The following GTF2F1 variants were observed in gnomAD, a reference collection of about 807,000 sequenced individuals.
The protein encoded by GTF2F1 is general transcription factor IIF subunit 1.
Under a neutral mutation model 63.5 loss-of-function variants are expected in GTF2F1, and 39 were observed. The ratio of observed to expected loss-of-function variants is 0.61; its 90% CI spans 0.48 to 0.80. The LOEUF (loss-of-function observed/expected upper bound fraction) is 0.80. GTF2F1 is among the 30% of genes least tolerant of loss of function. The pLI is 0.00. For missense variants in GTF2F1, 657 were observed against 718.3 expected (o/e 0.91, Z 0.97); for synonymous variants, 287 against 285.3 (o/e 1.01, Z -0.06).
intron 5 of GTF2F1, among the ~76,000 whole-genome samples, chr19:6,384,463 G>GC (rs1367895785): frequency 1.3e-5 from 2 of 151,042 alleles, no homozygotes; most frequent in Non-Finnish European, 2.9e-5. Context: ...AGCTAAGATT[G>GC]CCCCACAGCA....
At chr19:6,390,816 G>A (rs1357755307) in intron 3 of GTF2F1, among the ~76,000 whole-genome samples, 4 of 151,774 alleles carry the variant, frequency 2.6e-5, no homozygotes, top group African/African-American at 9.7e-5. Flanking sequence ...GGAGGTGGAG[G>A]TTGCAGTGAG....
chr19:6,391,428 T>C (rs980015170), intron 3 of GTF2F1, among the ~76,000 whole-genome samples: 1 of 150,322 alleles, frequency 6.7e-6, no homozygotes, highest in African/African-American at 2.4e-5. Flanking sequence ...GCCTGGGCCT[T>C]TGCCATTTCC....
At chr19:6,389,305 C>T (rs756912698) in intron 4 of GTF2F1, 139 bp downstream of exon 4, 24 of 469,938 alleles carry the variant, frequency 5.1e-5, no homozygotes, top group Non-Finnish European at 9.0e-5. Context: ...TAAAATCCTA[C>T]AGGGATGGAA....
At position 6,393,156 on chromosome 19, in the gene GTF2F1, C is replaced by G; in HGVS notation, c.-161G>C. Reference sequence around the variant, plus strand: ...CGCCTCTGGCGCTGGGAAAAGGTAACCGGAAGAGGCGCTCAAGCTACTCGG... The same window carrying G: ...CGCCTCTGGCGCTGGGAAAAGGTAAGCGGAAGAGGCGCTCAAGCTACTCGG... On this transcript the variant is annotated 5_prime_UTR_variant, in exon 1 of 13. Coordinates refer to ENST00000394456, the MANE Select transcript of GTF2F1 (RefSeq NM_002096.3). 1 of 850,220 alleles carries G rather than the reference C, an allele frequency of 1.2e-6. No homozygotes were observed. 52.7% of individuals were successfully genotyped at this position (850,220 alleles called of 1,614,324 possible). A position where few individuals can be genotyped will look rare whatever the true frequency, so the allele number is the denominator to read the frequency against.
At position 6,380,216 on chromosome 19, in the gene GTF2F1, A is replaced by G. The variant is rs2091941068; in HGVS notation, c.*65T>C. 1 of 1,323,830 alleles carries G rather than the reference A, an allele frequency of 7.6e-7. No homozygotes were observed. The highest frequency in any genetic ancestry group is 1.7e-5 in the Admixed American group (1 of 59,650). 82.0% of individuals were successfully genotyped at this position (1,323,830 alleles called of 1,614,324 possible). A position where few individuals can be genotyped will look rare whatever the true frequency, so the allele number is the denominator to read the frequency against. The stretch of plus-strand genomic sequence containing the variant: ...CATGTATTGGACAGAGCCTCACTCT[A>G]GGATGGCGAAGGGGCAGTGAGAGCC... On this transcript the variant is annotated 3_prime_UTR_variant, in exon 13 of 13. Coordinates refer to ENST00000394456, the MANE Select transcript of GTF2F1 (RefSeq NM_002096.3). The surrounding 1 kb of genome is among the most constrained non-coding windows in gnomAD (Gnocchi z 5.3).
At chr19:6,391,378 G>C (rs546223157) in intron 3 of GTF2F1, among the ~76,000 whole-genome samples, 3 of 151,632 alleles carry the variant, frequency 2.0e-5, no homozygotes, top group Non-Finnish European at 2.9e-5. Flanking sequence ...GCCTCTGGTG[G>C]GCCTACCAAA....
rs1445189460 is a variant in GTF2F1 at position 6,381,750 on chromosome 19, G to A, written c.783C>T (p.Ser261=). 15 of 1,613,990 alleles carry A rather than the reference G, an allele frequency of 9.3e-6. No individual in the cohort carries two copies. Among genetic ancestry groups the A allele is most frequent in the South Asian group, 2.2e-5 (2 of 91,084 alleles). The change falls in exon 7 of 13, where the codon AGC becomes AGT. Residue 261 remains serine, a synonymous_variant. Coordinates refer to ENST00000394456, the MANE Select transcript of GTF2F1 (RefSeq NM_002096.3). The surrounding 1 kb of genome is among the most constrained non-coding windows in gnomAD (Gnocchi z 4.1). ...CTTGGCCCTCGAAGTCCCCATCATC[G>A]CTGTCCTCGAAGGCCTCGTCGTCTG... ...KGSDDEAFED[S]DDGDFEGQEV...
In GTF2F1 at chr19:6,380,070, A is replaced by G. The variant is rs538036160; in HGVS notation, c.*211T>C. On this transcript the variant is annotated 3_prime_UTR_variant, in exon 13 of 13. Coordinates refer to ENST00000394456, the MANE Select transcript of GTF2F1 (RefSeq NM_002096.3). The surrounding 1 kb of genome is among the most constrained non-coding windows in gnomAD (Gnocchi z 5.3). ...ACAGGCATCTGAAGATTCCAGAAGG[A>G]AGGGCCAGAGGAGGAGATGGCTTAA... 1.1e-4 allele frequency: 69 copies of G among 607,254 alleles called. No individual in the cohort carries two copies. The South Asian group carries it at 1.3e-3, about 11-fold the overall frequency. 37.6% of individuals were successfully genotyped at this position (607,254 alleles called of 1,614,324 possible).
chr19:6,383,290 T>A lies in GTF2F1; in HGVS notation c.682+21A>T. ...CTGAGCAGGCACCTCTGTGACCTAA[T>A]GCCCAGGCGCCCGTACTCACCCTCC... On this transcript the variant is annotated intron_variant, in intron 6 of 12. Transcript: ENST00000394456. This position sits in a 1 kb window ranked among gnomAD's most constrained non-coding sequence, Gnocchi z 4.5. The A allele has an allele frequency of 6.2e-7, 1 of 1,611,060 alleles. No homozygotes were observed. The highest frequency in any genetic ancestry group is 2.2e-5 in the East Asian group (1 of 44,838).
At position 6,383,246 on chromosome 19, in the gene GTF2F1, T is replaced by C; in HGVS notation, c.682+65A>G. 2 of 1,530,766 alleles carry C rather than the reference T, an allele frequency of 1.3e-6. No homozygotes were observed. Among genetic ancestry groups the C allele is most frequent in the Non-Finnish European group, 1.8e-6 (2 of 1,114,304 alleles). 94.8% of individuals were successfully genotyped at this position (1,530,766 alleles called of 1,614,324 possible). A position where few individuals can be genotyped will look rare whatever the true frequency, so the allele number is the denominator to read the frequency against. On this transcript the variant is annotated intron_variant, in intron 6 of 12. Coordinates refer to ENST00000394456, the MANE Select transcript of GTF2F1 (RefSeq NM_002096.3). The surrounding 1 kb of genome is among the most constrained non-coding windows in gnomAD (Gnocchi z 4.5). ...GGGCCACTGTGAGCGATGGTAGACT[T>C]TGCCTTCACTGGCACTGCCTGAGCA...
chr19:6,388,374 C>T (rs1310044456), intron 4 of GTF2F1, among the ~76,000 whole-genome samples: 1 of 152,200 alleles, frequency 6.6e-6, no homozygotes, highest in Non-Finnish European at 1.5e-5. Flanking sequence ...CTCTTCCCTG[C>T]CTACAGCTTT....
intron 5 of GTF2F1, among the ~76,000 whole-genome samples, chr19:6,385,628 T>C (rs1022839682): frequency 6.6e-5 from 10 of 152,004 alleles, no homozygotes; most frequent in Non-Finnish European, 1.5e-4. Context: ...ACCTGGGGGC[T>C]GTTGTTCCAG....
In GTF2F1 at chr19:6,381,180, G is replaced by C. The variant is rs780535392; in HGVS notation, c.1034C>G (p.Ser345Trp). The change falls in exon 10 of 13, where the codon TCG (serine) becomes TGG (tryptophan). Residue 345 changes from serine (S) to tryptophan (W), a missense_variant. Physicochemically the swap from Ser to Trp is radical, Grantham distance 177. Transcript: ENST00000394456. This position sits in a 1 kb window ranked among gnomAD's most constrained non-coding sequence, Gnocchi z 4.1. ...KKRRKDSSEE[S>W]DSSEESDIDS... ...AATGTCGCTCTCCTCTGAGCTGTCCGACTCCTCGCTGCTGTCTGCGGGGCA... is the reference window on the plus strand; with the variant it reads ...AATGTCGCTCTCCTCTGAGCTGTCCCACTCCTCGCTGCTGTCTGCGGGGCA... 1 of 1,609,940 alleles carries C rather than the reference G, an allele frequency of 6.2e-7. No individual in the cohort carries two copies. Among genetic ancestry groups the C allele is most frequent in the Non-Finnish European group, 8.5e-7 (1 of 1,178,584 alleles).
chr19:6,383,683 T>C lies in GTF2F1; in HGVS notation c.498-188A>G, dbSNP rs2091963698. On this transcript the variant is annotated intron_variant, in intron 5 of 12. Coordinates refer to ENST00000394456, the MANE Select transcript of GTF2F1 (RefSeq NM_002096.3). The surrounding 1 kb of genome is among the most constrained non-coding windows in gnomAD (Gnocchi z 4.5). The stretch of plus-strand genomic sequence containing the variant: ...GCCAGCCCTTCCTGCCTTCCCGTTC[T>C]GCCCCGAGTCCCTCAAAGAGCAGGT... 6.6e-6 allele frequency among the ~76,000 whole-genome samples: 1 copy of C among 152,244 alleles called. No individual in the cohort carries two copies. Among genetic ancestry groups the C allele is most frequent in the Non-Finnish European group, 1.5e-5 (1 of 68,048 alleles).
rs780392493 is a variant in GTF2F1 at position 6,381,338 on chromosome 19, T to C, written c.1018+21A>G. 4 of 1,565,042 alleles carry C rather than the reference T, an allele frequency of 2.6e-6. No individual in the cohort carries two copies. Among genetic ancestry groups the C allele is most frequent in the Non-Finnish European group, 3.5e-6 (4 of 1,154,578 alleles). On this transcript the variant is annotated intron_variant, in intron 9 of 12. Transcript: ENST00000394456. The surrounding 1 kb of genome is among the most constrained non-coding windows in gnomAD (Gnocchi z 4.1). ...CAGGGCCCGACCCAAGCCTCCAATA[T>C]GGGGGCCACATGCGCCGCACCTTTC...
Position 6,381,398 on chromosome 19 carries a change from T to C in GTF2F1, c.979A>G (p.Lys327Glu), listed in dbSNP as rs1266372919. The C allele has an allele frequency of 8.1e-6, 13 of 1,609,810 alleles. No homozygotes were observed. Among genetic ancestry groups the C allele is most frequent in the East Asian group, 2.2e-5 (1 of 44,858 alleles). ...PEEDKEEEEE[K>E]KAPTPQEKKR... ...TTCTCCTGCGGGGTGGGTGCCTTCT[T>C]CTCCTCCTCCTCCTCCTTGTCCTCC... is the stretch of plus-strand genomic sequence containing the variant. Residue 327 changes from lysine (K) to glutamate (E), a missense_variant, in exon 9 of 13, where the codon AAG becomes GAG. By Grantham distance (56) the Lys-to-Glu change is moderately conservative (BLOSUM62 1). Transcript: ENST00000394456. The surrounding 1 kb of genome is among the most constrained non-coding windows in gnomAD (Gnocchi z 4.1).
Position 6,383,337 on chromosome 19 carries a change from T to C in GTF2F1, c.656A>G (p.Asp219Gly), listed in dbSNP as rs2091961108. Residue 219 changes from aspartate to glycine, a missense_variant, in exon 6 of 13, where the codon GAT (aspartate) becomes GGT (glycine). By Grantham distance (94) the Asp-to-Gly change is moderately conservative. This residue lies in a region of GTF2F1 where 602 missense variants were observed against 625.6 expected (regional missense o/e 0.96). Coordinates refer to ENST00000394456, the MANE Select transcript of GTF2F1 (RefSeq NM_002096.3). The surrounding 1 kb of genome is among the most constrained non-coding windows in gnomAD (Gnocchi z 4.5). ...CTCCTCACCACTGGCATCACTGGCA[T>C]CGGACGACATCTCCAGGTCGTCCTC... ...DLEDDLEMSS[D>G]ASDASGEEGG... The C allele has an allele frequency of 1.9e-6, 3 of 1,613,990 alleles. No homozygotes were observed. Among genetic ancestry groups the C allele is most frequent in the South Asian group, 2.2e-5 (2 of 91,096 alleles).
chr19:6,381,430 G>T lies in GTF2F1; in HGVS notation c.947C>A (p.Pro316Gln). The T allele has an allele frequency of 1.2e-6, 2 of 1,610,168 alleles. No homozygotes were observed. Among genetic ancestry groups the T allele is most frequent in the Non-Finnish European group, 8.5e-7 (1 of 1,179,764 alleles). ...DSSEESEEEK[P>Q]PEEDKEEEEE... ...CTCCTCCTCCTTGTCCTCCTCAGGC[G>T]GCTTCTCCTCCTCACTCTCCTCACT... The change falls in exon 9 of 13, where the codon CCG becomes CAG. Residue 316 changes from proline to glutamine, a missense_variant. Physicochemically the swap from Pro to Gln is moderately conservative, Grantham distance 76. Transcript: ENST00000394456. This position sits in a 1 kb window ranked among gnomAD's most constrained non-coding sequence, Gnocchi z 4.1.
At chr19:6,387,658 G>C in intron 4 of GTF2F1, 99 bp from the exon 5 acceptor site, 1 of 902,488 alleles carries the variant, frequency 1.1e-6, no homozygotes, top group Non-Finnish European at 1.7e-6. Context: ...TGCCATAGGA[G>C]GAAGACCAAG....
Sources: gnomAD v4.1 joint callset for allele counts (sites outside exome capture counted in the v4.1 genomes callset) on GRCh38, gnomAD v4.1.1 for gene constraint, gnomAD v4.1.1 regional missense constraint, Gnocchi (gnomAD v3.1) non-coding constraint, MANE v1.5 for transcripts, NCBI Gene and HGNC (gene_info 2026-07-23, HGNC 2026-07-21) for gene names.